The following DYNC1LI2 variants were observed in gnomAD, a reference collection of about 807,000 sequenced individuals.
DYNC1LI2 encodes cytoplasmic dynein 1 light intermediate chain 2.
In DYNC1LI2, 19 loss-of-function variants were observed where a neutral mutation model predicts 57.8. The ratio of observed to expected loss-of-function variants is 0.33; its 90% CI spans 0.23 to 0.48. The LOEUF is 0.48. DYNC1LI2 is among the 20% of genes least tolerant of loss of function. The pLI, the probability that DYNC1LI2 is intolerant of heterozygous loss-of-function variation, is 0.99. For synonymous variants in DYNC1LI2, 256 were observed against 233.4 expected, an observed-to-expected ratio of 1.10 and a Z score of -0.88; for missense variants, 470 against 604.2, an observed-to-expected ratio of 0.78 and a Z score of 2.33.
chr16:66,721,550 A>G lies in DYNC1LI2; in HGVS notation c.*2172T>C, dbSNP rs1335341904. The G allele has an allele frequency of 6.6e-6, 1 of 152,548 alleles. No homozygotes were observed. The highest frequency in any genetic ancestry group is 6.6e-5 in the Admixed American group (1 of 15,258). The allele number at this position is 152,548 out of a possible 1,614,324, so 9.4% of individuals were successfully genotyped here. On this transcript the variant is annotated 3_prime_UTR_variant, in exon 13 of 13. Transcript: ENST00000258198. Reference sequence around the variant, plus strand: ...CATCTCCCTTCCTCCCACCTCCCAAAAAGAACCCTGCAGCTCCCCAAAGTT... The same window carrying G: ...CATCTCCCTTCCTCCCACCTCCCAAGAAGAACCCTGCAGCTCCCCAAAGTT...
intron 10 of DYNC1LI2, 160 bp downstream of exon 10, chr16:66,728,041 G>C (rs188227973): frequency 4.8e-6 from 5 of 1,033,706 alleles, no homozygotes; most frequent in African/African-American, 3.2e-5. Context: ...GAAACTTCTT[G>C]AGTTTCTTTT....
chr16:66,732,279 G>A (rs2017651159), intron 7 of DYNC1LI2, 60 bp downstream of exon 7: 2 of 1,583,444 alleles, frequency 1.3e-6, no homozygotes, highest in African/African-American at 1.4e-5. Flanking sequence ...GGGGTAAAAT[G>A]TAAAAAGCAA....
At position 66,729,115 on chromosome 16, in the gene DYNC1LI2, C is replaced by A. The variant is rs776357009; in HGVS notation, c.1042-16G>T. ...CGTGGACCAGCTGTGAAACAACATACATGTTTGTGGCCACAGGCCAAGAAT... is the reference window on the plus strand; with the variant it reads ...CGTGGACCAGCTGTGAAACAACATAAATGTTTGTGGCCACAGGCCAAGAAT... On this transcript the variant is annotated splice_polypyrimidine_tract_variant and intron_variant, in intron 8 of 12. Coordinates refer to ENST00000258198, the MANE Select transcript of DYNC1LI2 (RefSeq NM_006141.3). 1 of 1,613,996 alleles carries A rather than the reference C, an allele frequency of 6.2e-7. No individual in the cohort carries two copies. Among genetic ancestry groups the A allele is most frequent in the East Asian group, 2.2e-5 (1 of 44,892 alleles).
chr16:66,732,563 T>C (rs1160104925), intron 6 of DYNC1LI2, 89 bp from the exon 7 acceptor site: 3 of 1,423,884 alleles, frequency 2.1e-6, no homozygotes, highest in African/African-American at 1.4e-5. Context: ...CATAGGTTGA[T>C]CAGTTTTTGA....
intron 7 of DYNC1LI2, chr16:66,731,992 C>A: frequency 4.9e-6 from 1 of 203,344 alleles, no homozygotes; most frequent in East Asian, 1.2e-4. Context: ...TGCCAACACA[C>A]AGATAAAGCA....
rs2017477553 is a variant in DYNC1LI2 at position 66,723,168 on chromosome 16, A to G, written c.*554T>C. The G allele has an allele frequency of 2.9e-6, 1 of 341,116 alleles. No homozygotes were observed. The highest frequency in any genetic ancestry group is 7.5e-5 in the East Asian group (1 of 13,368). 21.1% of individuals were successfully genotyped at this position (341,116 alleles called of 1,614,324 possible). ...GTTTTGTTTGGAAATGCTTCTAACA[A>G]TGATTCTTCAACTTCTACTGAATGC... On this transcript the variant is annotated 3_prime_UTR_variant, in exon 13 of 13. Transcript: ENST00000258198.
chr16:66,746,648 A>G (rs764580532), intron 3 of DYNC1LI2, among the ~76,000 whole-genome samples: 112 of 152,270 alleles, frequency 7.4e-4, no homozygotes, highest in Admixed American at 4.1e-3. Context: ...GTATCTTGAA[A>G]CAGAAGAGGC....
rs762198514 is a variant in DYNC1LI2 at position 66,742,660 on chromosome 16, G to T, written c.307C>A (p.Arg103Ser). 6.2e-7 allele frequency: 1 copy of T among 1,614,026 alleles called. No individual in the cohort carries two copies. Among genetic ancestry groups the T allele is most frequent in the South Asian group, 1.1e-5 (1 of 91,060 alleles). The change falls in exon 4 of 13, where the codon CGC (arginine) becomes AGC (serine). Residue 103 changes from arginine to serine, a missense_variant. Physicochemically the swap from Arg to Ser is moderately radical, Grantham distance 110. Transcript: ENST00000258198. Reference sequence around the variant, plus strand: ...CCATCCAGAATCCACACGTTGCAGCGCGTGTGATCTGAGAAAACAAGTGAA... The same window carrying T: ...CCATCCAGAATCCACACGTTGCAGCTCGTGTGATCTGAGAAAACAAGTGAA... The part of the protein sequence containing the change: ...VHDEDRDDHT[R>S]CNVWILDGDL...
chr16:66,727,188 G>C (rs943044456), intron 11 of DYNC1LI2, among the ~76,000 whole-genome samples: 3 of 152,090 alleles, frequency 2.0e-5, no homozygotes, highest in Non-Finnish European at 4.4e-5. Context: ...AGAGTACTAG[G>C]ATTATAGGCA....
In DYNC1LI2 at chr16:66,723,860, G is replaced by A. The variant is rs1169124668; in HGVS notation, c.1379-38C>T. On this transcript the variant is annotated intron_variant, in intron 12 of 12. Transcript: ENST00000258198. ...AAAAGCAAAAAAGCAAAGTAATGAT[G>A]TGAGAAGAGGAAACAATTTTTTTTA... is the stretch of plus-strand genomic sequence containing the variant. The A allele has an allele frequency of 1.9e-6, 3 of 1,541,264 alleles. No individual in the cohort carries two copies. In the African/African-American group the frequency reaches 4.2e-5, roughly 22 times the overall value.
intron 3 of DYNC1LI2, among the ~76,000 whole-genome samples, chr16:66,748,084 C>T (rs2017970236): frequency 1.3e-5 from 2 of 151,682 alleles, no homozygotes; most frequent in African/African-American, 2.4e-5. Context: ...CTCAGGAGTT[C>T]GAGACCAACC....
chr16:66,751,243 C>G lies in DYNC1LI2; in HGVS notation c.181+30G>C. 6.2e-7 allele frequency: 1 copy of G among 1,606,828 alleles called. No homozygotes were observed. The highest frequency in any genetic ancestry group is 8.5e-7 in the Non-Finnish European group (1 of 1,177,208). On this transcript the variant is annotated intron_variant, in intron 2 of 12. Coordinates refer to ENST00000258198, the MANE Select transcript of DYNC1LI2 (RefSeq NM_006141.3). This position sits in a 1 kb window ranked among gnomAD's most constrained non-coding sequence, Gnocchi z 5.2. ...CGCCCGCCTCGCCCACCCCAGCGAC[C>G]TGGGGCAACGCCCCGCCGCCGGCGC...
In DYNC1LI2 at chr16:66,723,824, TGA is replaced by T; in HGVS notation, c.1379-4_1379-3del. 2.0e-6 allele frequency: 3 copies of T among 1,537,600 alleles called. No homozygotes were observed. Among genetic ancestry groups the T allele is most frequent in the Non-Finnish European group, 8.7e-7 (1 of 1,153,308 alleles). On this transcript the variant is annotated splice_polypyrimidine_tract_variant and splice_region_variant and intron_variant, in intron 12 of 12. Transcript: ENST00000258198. ...CATTTGACAACACAGTCTTTTGTCC[TGA>T]AAAAAAAAAAAAGCAAAAAAGCAAA...
At chr16:66,740,914 GT>G (rs1404475918) in intron 4 of DYNC1LI2, among the ~76,000 whole-genome samples, 1 of 152,146 alleles carries the variant, frequency 6.6e-6, no homozygotes, top group Non-Finnish European at 1.5e-5. Context: ...AAGCCATTAT[GT>G]TATCTCAGGT....
chr16:66,749,366 G>T (rs892216637), intron 2 of DYNC1LI2, 53 bp from the exon 3 acceptor site: 5 of 1,541,054 alleles, frequency 3.2e-6, no homozygotes, highest in African/African-American at 1.4e-5. Context: ...GGGCAAGGAT[G>T]GGGAGGCATG....
rs2017484571 is a variant in DYNC1LI2 at position 66,723,547 on chromosome 16, C to T, written c.*175G>A. 1 of 665,410 alleles carries T rather than the reference C, an allele frequency of 1.5e-6. No individual in the cohort carries two copies. Among genetic ancestry groups the T allele is most frequent in the Admixed American group, 2.5e-5 (1 of 40,152 alleles). 41.2% of individuals were successfully genotyped at this position (665,410 alleles called of 1,614,324 possible). On this transcript the variant is annotated 3_prime_UTR_variant, in exon 13 of 13. Transcript: ENST00000258198. The stretch of plus-strand genomic sequence containing the variant: ...AACAAAGGGTCTGACATGTAACCTT[C>T]CTAAATGTGCATTTCACACTCGGAC...
chr16:66,747,404 GAGA>G, intron 3 of DYNC1LI2, among the ~76,000 whole-genome samples: 1 of 152,148 alleles, frequency 6.6e-6, no homozygotes, highest in African/African-American at 2.4e-5. Flanking sequence ...ACAGCTCTTG[GAGA>G]TGGTAGAATT....
In DYNC1LI2 at chr16:66,742,453, C is replaced by T; in HGVS notation, c.514G>A (p.Glu172Lys). 1.2e-6 allele frequency: 2 copies of T among 1,613,958 alleles called. No individual in the cohort carries two copies. The highest frequency in any genetic ancestry group is 1.7e-6 in the Non-Finnish European group (2 of 1,179,876). The change falls in exon 4 of 13, where the codon GAG (glutamate) becomes AAG (lysine). Residue 172 changes from glutamate (E) to lysine (K), a missense_variant. Glu to Lys is a moderately conservative substitution (Grantham distance 56, BLOSUM62 1). Coordinates refer to ENST00000258198, the MANE Select transcript of DYNC1LI2 (RefSeq NM_006141.3). The part of the protein sequence containing the change: ...KMKIPPEKMR[E>K]LERKFVKDFQ... ...TTTTACTCACACTTCCGTTCCAGCTCCCTCATTTTTTCTGGTGGAATTTTC... is the reference window on the plus strand; with the variant it reads ...TTTTACTCACACTTCCGTTCCAGCTTCCTCATTTTTTCTGGTGGAATTTTC...
At chr16:66,747,817 C>A (rs1191585552) in intron 3 of DYNC1LI2, among the ~76,000 whole-genome samples, 1 of 151,836 alleles carries the variant, frequency 6.6e-6, no homozygotes, top group East Asian at 1.9e-4. Context: ...GTGATCCACC[C>A]GCCTCAGCCA....
Sources: gnomAD v4.1 joint callset for allele counts (sites outside exome capture counted in the v4.1 genomes callset) on GRCh38, gnomAD v4.1.1 for gene constraint, Gnocchi (gnomAD v3.1) non-coding constraint, MANE v1.5 for transcripts, NCBI Gene and HGNC (gene_info 2026-07-23, HGNC 2026-07-21) for gene names.